Variants in UGT1A8 observed in about 807,000 individuals in gnomAD.
UGT1A8 encodes UDP glucuronosyltransferase family 1 member A8.
A neutral mutation model predicts 45.3 loss-of-function variants in UGT1A8; 39 were observed. The ratio of observed to expected loss-of-function variants is 0.86; its 90% CI spans 0.67 to 1.12. The LOEUF (loss-of-function observed/expected upper bound fraction) is 1.12, where lower values mean the gene tolerates loss of function less well. UGT1A8 is among the 50% of genes most tolerant of loss of function. The pLI, the probability that UGT1A8 is intolerant of heterozygous loss-of-function variation, is 0.00. For missense variants in UGT1A8, 719 were observed against 664.9 expected (o/e 1.08, Z -0.90); for synonymous variants, 275 against 249.2 (o/e 1.10, Z -0.97).
intron 1 of UGT1A8, among the ~76,000 whole-genome samples, chr2:233,626,690 A>G (rs2073089206): frequency 6.6e-6 from 1 of 151,990 alleles, no homozygotes. Flanking sequence ...TCTCTTTCCT[A>G]GTATTGACAA....
At chr2:233,754,489 A>G (rs1289708374) in intron 1 of UGT1A8, 4 of 357,158 alleles carry the variant, frequency 1.1e-5, no homozygotes, top group Non-Finnish European at 1.1e-5. Flanking sequence ...TTTCAATCCT[A>G]AAAAAAGTCC....
intron 1 of UGT1A8, among the ~76,000 whole-genome samples, chr2:233,640,359 C>G (rs929813987): frequency 1.3e-5 from 2 of 151,952 alleles, no homozygotes; most frequent in Non-Finnish European, 2.9e-5. Context: ...AGTGGAAATT[C>G]TTGGCTTGTC....
chr2:233,667,327 A>G (rs1476897889), intron 1 of UGT1A8, among the ~76,000 whole-genome samples: 1 of 152,238 alleles, frequency 6.6e-6, no homozygotes, highest in African/African-American at 2.4e-5. Flanking sequence ...CTGGCTAGCC[A>G]TTTGTAGAAA....
At chr2:233,719,280 G>A (rs762367100) in intron 1 of UGT1A8, 57 of 1,613,966 alleles carry the variant, frequency 3.5e-5, no homozygotes, top group South Asian at 5.5e-5. Context: ...AACAGACCCC[G>A]TTAACCTCTG....
At chr2:233,747,246 G>T in intron 1 of UGT1A8, 1 of 1,601,988 alleles carries the variant, frequency 6.2e-7, no homozygotes, top group Non-Finnish European at 8.5e-7. Flanking sequence ...CCCTGCTGTG[G>T]CTGGCCACAG....
At chr2:233,701,458 A>G (rs1167307103) in intron 1 of UGT1A8, among the ~76,000 whole-genome samples, 7 of 152,132 alleles carry the variant, frequency 4.6e-5, no homozygotes, top group Admixed American at 1.3e-4. Flanking sequence ...TAACAAGGAT[A>G]CCCAGGAATT....
chr2:233,624,421 A>G (rs2073060786), intron 1 of UGT1A8, among the ~76,000 whole-genome samples: 1 of 152,128 alleles, frequency 6.6e-6, no homozygotes, highest in African/African-American at 2.4e-5. Flanking sequence ...TAGTAGGAAG[A>G]TGCGGAGGTC....
At chr2:233,748,095 T>G (rs1186199054) in intron 1 of UGT1A8, 80 of 1,612,722 alleles carry the variant, frequency 5.0e-5, no homozygotes, top group Non-Finnish European at 6.3e-5. Context: ...TGTTCGTGCC[T>G]TCATCCAATC....
At chr2:233,644,446 T>G (rs1005923636) in intron 1 of UGT1A8, among the ~76,000 whole-genome samples, 7 of 152,126 alleles carry the variant, frequency 4.6e-5, no homozygotes, top group African/African-American at 1.7e-4. Context: ...TGCATGCCGG[T>G]AATCCCAGCT....
intron 1 of UGT1A8, among the ~76,000 whole-genome samples, chr2:233,764,942 G>A (rs12479045): frequency 6.6e-5 from 10 of 152,198 alleles, no homozygotes; most frequent in African/African-American, 1.9e-4. Flanking sequence ...TGAGAGTGGC[G>A]GGGAGAGAGG....
At chr2:233,665,468 A>C (rs2074056035) in intron 1 of UGT1A8, among the ~76,000 whole-genome samples, 1 of 152,218 alleles carries the variant, frequency 6.6e-6, no homozygotes, top group African/African-American at 2.4e-5. Context: ...GGCTGTGGCA[A>C]AGTAGTGCCT....
At chr2:233,759,591 C>T (rs984696431) in intron 1 of UGT1A8, among the ~76,000 whole-genome samples, 2 of 147,100 alleles carry the variant, frequency 1.4e-5, no homozygotes, top group Non-Finnish European at 3.0e-5. Context: ...GCACGCCCCC[C>T]ACCCCCGACC....
intron 1 of UGT1A8, chr2:233,728,975 A>G: frequency 6.7e-7 from 1 of 1,489,458 alleles, no homozygotes; most frequent in Non-Finnish European, 9.0e-7. Context: ...TGATAGATTA[A>G]TGGTTAATAA....
chr2:233,723,484 C>A (rs6750992), intron 1 of UGT1A8, among the ~76,000 whole-genome samples: 60,000 of 128,836 alleles, frequency 0.47, 17,177 homozygotes, highest in African/African-American at 0.75. Context: ...TGCTAGGATT[C>A]CAGGTGTGAG....
At chr2:233,753,773 C>G (rs1417094785) in intron 1 of UGT1A8, 1 of 152,234 alleles carries the variant, frequency 6.6e-6, no homozygotes, top group East Asian at 1.9e-4. Flanking sequence ...TTTGGAAACG[C>G]TTTTCTTTAC....
chr2:233,636,362 T>A, intron 1 of UGT1A8: 1 of 1,246,654 alleles, frequency 8.0e-7, no homozygotes, highest in Non-Finnish European at 1.1e-6. Context: ...GTGTTATCGT[T>A]CTTATGAGTA....
chr2:233,712,144 G>T (rs2076216635), intron 1 of UGT1A8, among the ~76,000 whole-genome samples: 1 of 152,218 alleles, frequency 6.6e-6, no homozygotes, highest in African/African-American at 2.4e-5. Flanking sequence ...TCAGCATTCA[G>T]AAGAGGAATT....
chr2:233,732,616 A>C (rs1187431518), intron 1 of UGT1A8, among the ~76,000 whole-genome samples: 1 of 152,194 alleles, frequency 6.6e-6, no homozygotes, highest in Non-Finnish European at 1.5e-5. Flanking sequence ...AAATGGTTGT[A>C]GATGTGTGGT....
intron 1 of UGT1A8, chr2:233,760,705 C>T: frequency 1.2e-6 from 2 of 1,614,220 alleles, no homozygotes; most frequent in Non-Finnish European, 1.7e-6. Flanking sequence ...CATGGCCTCC[C>T]TGGCAGAAAG....
Sources: allele counts gnomAD v4.1 joint callset (sites outside exome capture counted in the v4.1 genomes callset), GRCh38; gene constraint gnomAD v4.1.1; transcripts MANE v1.5; gene names NCBI Gene and HGNC (gene_info 2026-07-23, HGNC 2026-07-21).